Variants in ALG8 observed in about 807,000 individuals in gnomAD.
ALG8 encodes ALG8 alpha-1,3-glucosyltransferase, also known as dolichyl pyrophosphate Glc1Man9GlcNAc2 alpha-1,3-glucosyltransferase.
In ALG8, 48 loss-of-function variants were observed where a neutral mutation model predicts 70.2. The ratio of observed to expected loss-of-function variants is 0.68; its 90% CI spans 0.54 to 0.87. ALG8 has a LOEUF of 0.87. ALG8 is among the 40% of genes least tolerant of loss of function. The pLI is 0.00. For synonymous variants in ALG8, 234 were observed against 229.0 expected (o/e 1.02, Z -0.20); for missense variants, 572 against 608.7 (o/e 0.94, Z 0.64).
At chr11:78,138,182 C>T (rs1861626577) in intron 1 of ALG8, among the ~76,000 whole-genome samples, 2 of 151,954 alleles carry the variant, frequency 1.3e-5, no homozygotes, top group Admixed American at 1.3e-4. Context: ...AACCCCATCT[C>T]TACTAAAAAT....
intron 2 of ALG8, 128 bp from the exon 3 acceptor site, chr11:78,124,342 C>T (rs996392622): frequency 1.1e-5 from 10 of 899,678 alleles, no homozygotes; most frequent in Middle Eastern, 3.1e-4. Context: ...GTAGCTCACA[C>T]CTGTAACCCC....
chr11:78,115,982 T>A (rs983836384), intron 5 of ALG8, among the ~76,000 whole-genome samples: 6 of 152,236 alleles, frequency 3.9e-5, no homozygotes, highest in Admixed American at 1.3e-4. Context: ...AGGTAACTTA[T>A]ATAGCACTAT....
At chr11:78,112,478 A>C (rs1590813846) in intron 8 of ALG8, 172 bp downstream of exon 8, 1 of 854,664 alleles carries the variant, frequency 1.2e-6, no homozygotes. Flanking sequence ...TGTTTACTGC[A>C]CTAAAGCCTC....
Position 78,106,870 on chromosome 11 carries a change from C to CT in ALG8, c.1114dup (p.Ser372LysfsTer11). 6.2e-7 allele frequency: 1 copy of CT among 1,614,094 alleles called. No individual in the cohort carries two copies. The highest frequency in any genetic ancestry group is 8.5e-7 in the Non-Finnish European group (1 of 1,180,012). On this transcript the variant is annotated frameshift_variant, in exon 10 of 13. Coordinates refer to ENST00000299626, the MANE Select transcript of ALG8 (RefSeq NM_024079.5). LOFTEE classifies it high-confidence loss of function. ...AACATGCCACCCAAACATAAAGGAG[C>CT]TCAAGGCACAAAGAGTTAGACATCG...
At chr11:78,135,812 C>T (rs758463030) in intron 1 of ALG8, among the ~76,000 whole-genome samples, 41 of 150,838 alleles carry the variant, frequency 2.7e-4, no homozygotes, top group Non-Finnish European at 4.9e-4. Context: ...TGTGCCACTA[C>T]ACTCCAGCAT....
At chr11:78,127,711 TC>T (rs1478883181) in intron 1 of ALG8, among the ~76,000 whole-genome samples, 10 of 139,540 alleles carry the variant, frequency 7.2e-5, no homozygotes, top group Non-Finnish European at 1.6e-4. Context: ...CTTTTTCTTT[TC>T]TTTTTTTTTT....
chr11:78,109,280 A>C (rs1039443286), intron 9 of ALG8, among the ~76,000 whole-genome samples, 162 bp downstream of exon 9: 2 of 152,238 alleles, frequency 1.3e-5, no homozygotes, highest in Admixed American at 1.3e-4. Context: ...TGGTATTCAA[A>C]GTTACTCTAA....
rs1174378754 is a variant in ALG8 at position 78,130,348 on chromosome 11, C to CAAAAAAAAAAAA, written c.96-2924_96-2913dup. Among the ~76,000 whole-genome samples the CAAAAAAAAAAAA allele has an allele frequency of 4.6e-3, 227 of 48,966 alleles. 13 individuals are homozygous for CAAAAAAAAAAAA. Among genetic ancestry groups the CAAAAAAAAAAAA allele is most frequent in the African/African-American group, 0.012 (105 of 8,482 alleles). 32.1% of individuals were successfully genotyped at this position (48,966 alleles called of 152,430 possible). On this transcript the variant is annotated intron_variant, in intron 1 of 12. Transcript: ENST00000299626. ...TGGGAGACAGAGCAAGACCCGGTCT[C>CAAAAAAAAAAAA]AAAAAAAAAAAAAAAAAAAGGTGAG...
At chr11:78,130,049 T>C (rs1273897301) in intron 1 of ALG8, among the ~76,000 whole-genome samples, 1 of 151,936 alleles carries the variant, frequency 6.6e-6, no homozygotes, top group Non-Finnish European at 1.5e-5. Flanking sequence ...ATTTAACCTA[T>C]GCGGTTAAAA....
rs765844500 is a variant in ALG8, at chr11:78,127,387, T to C, written c.145A>G (p.Ser49Gly). The change falls in exon 2 of 13, where the codon AGT becomes GGT. Residue 49 changes from serine to glycine, a missense_variant. By Grantham distance (56) the Ser-to-Gly change is moderately conservative. Transcript: ENST00000299626. ...VHRNWLAITH[S>G]LPISQWYYEA... Reference sequence around the variant, plus strand: ...TAATACCACTGTGATATTGGCAAACTGTGAGTGATAGCAAGCCAGTTTCGG... The same window carrying C: ...TAATACCACTGTGATATTGGCAAACCGTGAGTGATAGCAAGCCAGTTTCGG... 6.2e-7 allele frequency: 1 copy of C among 1,613,754 alleles called. No individual in the cohort carries two copies. Among genetic ancestry groups the C allele is most frequent in the Non-Finnish European group, 8.5e-7 (1 of 1,179,880 alleles).
chr11:78,111,459 G>A (rs1394028026), intron 8 of ALG8, among the ~76,000 whole-genome samples: 2 of 152,196 alleles, frequency 1.3e-5, no homozygotes, highest in Non-Finnish European at 2.9e-5. Context: ...CACTGCAATA[G>A]CAATTTACAC....
chr11:78,139,214 T>G, intron 1 of ALG8: 1 of 474,696 alleles, frequency 2.1e-6, no homozygotes, highest in South Asian at 2.2e-5. Flanking sequence ...GAATGGCTGT[T>G]GGAGGCAGAG....
intron 1 of ALG8, among the ~76,000 whole-genome samples, chr11:78,134,475 G>A (rs1431458413): frequency 6.6e-6 from 1 of 152,178 alleles, no homozygotes; most frequent in East Asian, 1.9e-4. Flanking sequence ...CAACAATGAA[G>A]CTTGCCACAT....
chr11:78,122,299 C>A (rs1174287302), intron 3 of ALG8, among the ~76,000 whole-genome samples: 1 of 151,648 alleles, frequency 6.6e-6, no homozygotes, highest in Non-Finnish European at 1.5e-5. Flanking sequence ...AGTTAATAAT[C>A]TGTATATCAT....
At chr11:78,133,386 A>T (rs1236173763) in intron 1 of ALG8, 1 of 152,226 alleles carries the variant, frequency 6.6e-6, no homozygotes, top group African/African-American at 2.4e-5. Context: ...TTTGAGAAAC[A>T]GAGCATTAAC....
chr11:78,130,694 A>G (rs1861274821), intron 1 of ALG8, among the ~76,000 whole-genome samples: 1 of 152,070 alleles, frequency 6.6e-6, no homozygotes, highest in African/African-American at 2.4e-5. Context: ...TTTTATCCAT[A>G]GCAGTCTGAA....
chr11:78,124,304 T>C, intron 2 of ALG8, 90 bp from the exon 3 acceptor site: 1 of 1,344,440 alleles, frequency 7.4e-7, no homozygotes, highest in Non-Finnish European at 1.1e-6. Context: ...TCTCTGGTCT[T>C]TAAAACAGCA....
At chr11:78,114,664 T>G (rs1367269951) in intron 5 of ALG8, 1 of 477,572 alleles carries the variant, frequency 2.1e-6, no homozygotes, top group South Asian at 2.0e-5. Flanking sequence ...ACAAAAAGGT[T>G]ATTTAAAAAA....
chr11:78,101,000 C>G lies in ALG8; in HGVS notation c.1545G>C (p.Leu515Phe). The part of the protein sequence containing the change: ...YAWFKLYVSV[L>F]IDSAIGKTKK... ...TTGTCTTGCCAATAGCAGAGTCAATCAATACTGAAACATACAGTTTGAACC... is the reference window on the plus strand; with the variant it reads ...TTGTCTTGCCAATAGCAGAGTCAATGAATACTGAAACATACAGTTTGAACC... Residue 515 changes from leucine (L) to phenylalanine (F), a missense_variant, in exon 13 of 13, where the codon TTG (leucine) becomes TTC (phenylalanine). Physicochemically the swap from Leu to Phe is conservative, Grantham distance 22. Transcript: ENST00000299626. The G allele has an allele frequency of 6.2e-7, 1 of 1,614,164 alleles. No homozygotes were observed. The highest frequency in any genetic ancestry group is 1.1e-5 in the South Asian group (1 of 91,080).
Sources: allele counts gnomAD v4.1 joint callset (sites outside exome capture counted in the v4.1 genomes callset), GRCh38; gene constraint gnomAD v4.1.1; transcripts MANE v1.5; gene names NCBI Gene and HGNC (gene_info 2026-07-23, HGNC 2026-07-21).